The following PLAC1 variants were observed in gnomAD, a reference collection of about 807,000 sequenced individuals.
PLAC1 encodes the protein placenta associated 1.
For synonymous variants in PLAC1, 68 were observed against 62.1 expected, an observed-to-expected ratio of 1.09 and a Z score of -0.44; for missense variants, 136 against 163.2, an observed-to-expected ratio of 0.83 and a Z score of 0.91.
intron 1 of PLAC1, among the ~76,000 whole-genome samples, chrX:134,621,444 C>CAAA (rs11317429): frequency 9.5e-4 from 32 of 33,847 alleles, no homozygotes; most frequent in East Asian, 1.4e-3. Flanking sequence ...GGCTCTGTCT[C>CAAA]AAAAAAAAAA....
intron 2 of PLAC1, among the ~76,000 whole-genome samples, chrX:134,588,926 A>C (rs1008058494): frequency 1.8e-5 from 2 of 111,428 alleles, no homozygotes; most frequent in African/African-American, 6.5e-5. Flanking sequence ...GGTGGAGGAG[A>C]TGCGGGGAAC....
At chrX:134,569,733 T>C (rs1022468859) in intron 2 of PLAC1, among the ~76,000 whole-genome samples, 2 of 93,120 alleles carry the variant, frequency 2.1e-5, no homozygotes, top group Admixed American at 2.4e-4. Context: ...TAGGGAAGGG[T>C]AGAGTAGTGT....
chrX:134,699,423 C>T lies in PLAC1; in HGVS notation n.174+34012G>A, dbSNP rs371882634. Among the ~76,000 whole-genome samples the T allele has an allele frequency of 3.2e-3, 358 of 111,760 alleles. 1 individual carries two copies. The highest frequency in any genetic ancestry group is 0.011 in the African/African-American group (339 of 30,736). On this transcript the variant is annotated intron_variant and non_coding_transcript_variant, in intron 2 of 2. Transcript: ENST00000466797. The stretch of plus-strand genomic sequence containing the variant: ...AAAAAAGGCCTTCACAGACACCAAG[C>T]CTGCCAGTGCCTTGATCTTGGACTT...
chrX:134,670,516 G>T (rs2078452145), intron 2 of PLAC1, among the ~76,000 whole-genome samples: 1 of 111,035 alleles, frequency 9.0e-6, no homozygotes, highest in African/African-American at 3.3e-5. Context: ...GTGGGGGTGG[G>T]AATGGGAGTG....
chrX:134,721,828 A>G (rs1340546504), intron 2 of PLAC1, among the ~76,000 whole-genome samples: 2 of 111,004 alleles, frequency 1.8e-5, no homozygotes, highest in African/African-American at 6.6e-5. Flanking sequence ...ATGCCACTGC[A>G]CTCCAGCCTG....
At chrX:134,659,259 GC>G (rs2147804464), upstream of PLAC1, among the ~76,000 whole-genome samples, 1 of 111,659 alleles carries the variant, frequency 9.0e-6, no homozygotes, top group East Asian at 2.8e-4. Flanking sequence ...CAGTATGGTT[GC>G]CTGAGCTGTT....
chrX:134,641,128 C>T (rs1384501111), intron 1 of PLAC1, among the ~76,000 whole-genome samples: 1 of 111,385 alleles, frequency 9.0e-6, no homozygotes, highest in Non-Finnish European at 1.9e-5. Context: ...GTGGCACATG[C>T]CTGTAATCCC....
At chrX:134,661,993 C>G (rs781646403), upstream of PLAC1, among the ~76,000 whole-genome samples, 1 of 112,203 alleles carries the variant, frequency 8.9e-6, no homozygotes, top group African/African-American at 3.2e-5. Flanking sequence ...AATCCCAACA[C>G]TTTAGGAGGC....
chrX:134,662,439 A>T (rs2078419679), upstream of PLAC1, among the ~76,000 whole-genome samples: 1 of 112,487 alleles, frequency 8.9e-6, no homozygotes, highest in African/African-American at 3.2e-5. Context: ...TGTAGCCTGA[A>T]GTTGGCCATG....
At chrX:134,715,453 AC>A (rs777724857) in intron 2 of PLAC1, among the ~76,000 whole-genome samples, 2 of 78,208 alleles carry the variant, frequency 2.6e-5, no homozygotes, top group Admixed American at 3.1e-4. Flanking sequence ...ACGGCCCCCC[AC>A]CCCCCTAACA....
Position 134,735,720 on chromosome X carries a change from C to A in PLAC1, n.90-2201G>T, listed in dbSNP as rs964364163. ...TTACTCAGCAAGACACCTCTTCAAA[C>A]CCTCCCATGGTATCTCAACTGGTAC... On this transcript the variant is annotated intron_variant and non_coding_transcript_variant, in intron 1 of 2. Transcript: ENST00000466797. Among the ~76,000 whole-genome samples, 3 of 110,369 alleles carry A rather than the reference C, an allele frequency of 2.7e-5. No individual in the cohort carries two copies. The Admixed American group carries it at 2.9e-4, about 11-fold the overall frequency.
intron 1 of PLAC1, among the ~76,000 whole-genome samples, chrX:134,629,575 C>G (rs924534184): frequency 2.7e-5 from 3 of 111,865 alleles, no homozygotes; most frequent in African/African-American, 9.8e-5. Context: ...GTCTTTAAAA[C>G]AGTGGAACAA....
intron 2 of PLAC1, among the ~76,000 whole-genome samples, chrX:134,673,928 C>T (rs995109147): frequency 8.9e-6 from 1 of 112,950 alleles, no homozygotes; most frequent in African/African-American, 3.2e-5. Flanking sequence ...TGGGTAGGAC[C>T]GTTCACACGG....
At chrX:134,581,725 C>T (rs760744756) in intron 2 of PLAC1, among the ~76,000 whole-genome samples, 1 of 110,608 alleles carries the variant, frequency 9.0e-6, no homozygotes, top group South Asian at 4.0e-4. Context: ...GTGATCCACC[C>T]GCCTCGGCCT....
intron 1 of PLAC1, among the ~76,000 whole-genome samples, chrX:134,629,475 T>C (rs986410923): frequency 9.0e-6 from 1 of 111,592 alleles, no homozygotes; most frequent in Admixed American, 9.5e-5. Context: ...TGAAGCTGAC[T>C]GTTGAGTATC....
intron 1 of PLAC1, among the ~76,000 whole-genome samples, chrX:134,739,440 A>G (rs2078711600): frequency 8.9e-6 from 1 of 112,264 alleles, no homozygotes; most frequent in South Asian, 3.7e-4. Flanking sequence ...TACACTAGTG[A>G]GGATAAGAGA....
intron 2 of PLAC1, among the ~76,000 whole-genome samples, chrX:134,687,851 T>C (rs2078523207): frequency 1.3e-5 from 1 of 74,865 alleles, no homozygotes; most frequent in Non-Finnish European, 2.4e-5. Context: ...TATATATATA[T>C]ATATATATAT....
intron 2 of PLAC1, among the ~76,000 whole-genome samples, chrX:134,569,687 C>T (rs1474456958): frequency 9.3e-6 from 1 of 108,006 alleles, no homozygotes; most frequent in Non-Finnish European, 1.9e-5. Flanking sequence ...ATCCTCAAAG[C>T]AGGGCAGCCT....
chrX:134,691,635 T>C (rs1180508485), intron 2 of PLAC1, among the ~76,000 whole-genome samples: 1 of 111,776 alleles, frequency 8.9e-6, no homozygotes, highest in Non-Finnish European at 1.9e-5. Context: ...TAGAATTCTG[T>C]TCCTTAGGAC....
Sources: allele counts gnomAD v4.1 joint callset (sites outside exome capture counted in the v4.1 genomes callset), GRCh38; gene constraint gnomAD v4.1.1; transcripts MANE v1.5; gene names NCBI Gene and HGNC (gene_info 2026-07-23, HGNC 2026-07-21).